The following TEK variants were observed in gnomAD, a reference collection of about 807,000 sequenced individuals.
TEK encodes TEK receptor tyrosine kinase, also known as angiopoietin-1 receptor.
TEK carries 43 observed loss-of-function variants against 131.8 expected under a neutral mutation model. The observed-to-expected ratio is 0.33, with a 90% CI of 0.26 to 0.42. The LOEUF (loss-of-function observed/expected upper bound fraction) is 0.42, where lower values mean the gene tolerates loss of function less well. Ranked by LOEUF, TEK falls within the 10% of genes least tolerant of loss-of-function variation. The probability of loss-of-function intolerance (pLI) is 1.00; values close to 1 mark genes in which losing one functional copy is unlikely to be tolerated. For missense variants in TEK, 1,162 were observed against 1,384.4 expected (o/e 0.84, Z 2.55); for synonymous variants, 580 against 491.6 (o/e 1.18, Z -2.38).
chr9:27,161,009 G>A (rs1289118177), intron 2 of TEK, among the ~76,000 whole-genome samples: 2 of 152,194 alleles, frequency 1.3e-5, no homozygotes, highest in South Asian at 2.1e-4. Context: ...CAGTCATTTC[G>A]TGGGAACAAA....
Position 27,172,616 on chromosome 9 carries a change from G to A in TEK, c.629G>A (p.Arg210Lys). The A allele has an allele frequency of 3.1e-6, 5 of 1,613,510 alleles. No individual in the cohort carries two copies. Among genetic ancestry groups the A allele is most frequent in the Non-Finnish European group, 4.2e-6 (5 of 1,179,566 alleles). The change falls in exon 5 of 23, where the codon AGA becomes AAA. Residue 210 changes from arginine to lysine, a missense_variant and splice_region_variant. Transcript: ENST00000380036. ...TSAFTRLIVR[R>K]CEAQKWGPEC... ...ACAGCCTTGTTTTCCTTAACAAAAG[G>A]ATGTGAAGCCCAGAAGTGGGGACCT... is the stretch of plus-strand genomic sequence containing the variant.
intron 21 of TEK, among the ~76,000 whole-genome samples, chr9:27,224,591 T>C (rs142364134): frequency 3.4e-4 from 52 of 152,298 alleles, no homozygotes; most frequent in African/African-American, 1.1e-3. Flanking sequence ...AAACTAGGTA[T>C]TGATGGAACG....
rs1350184867 is a variant in TEK at position 27,158,158 on chromosome 9, G to A, written c.364+16G>A. 6.2e-7 allele frequency: 1 copy of A among 1,613,930 alleles called. No individual in the cohort carries two copies. The highest frequency in any genetic ancestry group is 1.3e-5 in the African/African-American group (1 of 75,010). On this transcript the variant is annotated intron_variant, in intron 2 of 22. Coordinates refer to ENST00000380036, the MANE Select transcript of TEK (RefSeq NM_000459.5). ...CGTCAACAAGGTAACATGCCCCTAAGTTTTGGGCAGGTGAGGCCCACTGAG... is the reference window on the plus strand; with the variant it reads ...CGTCAACAAGGTAACATGCCCCTAAATTTTGGGCAGGTGAGGCCCACTGAG...
At chr9:27,138,300 G>A (rs983904788) in intron 1 of TEK, among the ~76,000 whole-genome samples, 11 of 152,176 alleles carry the variant, frequency 7.2e-5, no homozygotes, top group African/African-American at 1.2e-4. Flanking sequence ...CCCACATCCT[G>A]CTGATTGGTC....
chr9:27,124,253 A>G (rs1353737355), intron 1 of TEK, among the ~76,000 whole-genome samples: 2 of 152,164 alleles, frequency 1.3e-5, no homozygotes, highest in Non-Finnish European at 2.9e-5. Context: ...AATTACTCCC[A>G]TGTTTTTGGC....
chr9:27,150,043 C>T (rs1165397962), intron 1 of TEK, among the ~76,000 whole-genome samples: 1 of 152,138 alleles, frequency 6.6e-6, no homozygotes, highest in African/African-American at 2.4e-5. Context: ...TGTCCTGTAC[C>T]CTTTCTAGCT....
At position 27,206,740 on chromosome 9, in the gene TEK, G is replaced by T. The variant is rs149452320; in HGVS notation, c.2523G>T (p.Ala841=). 1.1e-5 allele frequency: 17 copies of T among 1,614,072 alleles called. No homozygotes were observed. The highest frequency in any genetic ancestry group is 1.4e-5 in the Non-Finnish European group (17 of 1,179,990). ...GEGNFGQVLK[A]RIKKDGLRMD... ...GCAATTTTGGCCAAGTTCTTAAGGCGCGCATCAAGAAGGATGGGTTACGGA... is the reference window on the plus strand; with the variant it reads ...GCAATTTTGGCCAAGTTCTTAAGGCTCGCATCAAGAAGGATGGGTTACGGA... The change falls in exon 15 of 23, where the codon GCG becomes GCT. Residue 841 remains alanine (A), a synonymous_variant. Transcript: ENST00000380036.
chr9:27,129,543 C>A (rs1183107804), intron 1 of TEK, among the ~76,000 whole-genome samples: 2 of 152,162 alleles, frequency 1.3e-5, no homozygotes, highest in African/African-American at 4.8e-5. Flanking sequence ...CCCATCTCCT[C>A]TGGAAATCTT....
chr9:27,217,012 CT>C (rs1434725168), intron 18 of TEK, among the ~76,000 whole-genome samples: 1 of 152,170 alleles, frequency 6.6e-6, no homozygotes, highest in Non-Finnish European at 1.5e-5. Flanking sequence ...CCAGGCACAT[CT>C]GATTTTGCCT....
chr9:27,170,602 T>TCAAAAA (rs56132806), intron 4 of TEK, among the ~76,000 whole-genome samples: 110,475 of 150,514 alleles, frequency 0.73, 40,819 homozygotes, highest in South Asian at 0.85. Flanking sequence ...AGACCTTGTC[T>TCAAAAA]CAAAAACAAA....
At chr9:27,116,850 T>C (rs1215838309) in intron 1 of TEK, among the ~76,000 whole-genome samples, 1 of 137,656 alleles carries the variant, frequency 7.3e-6, no homozygotes, top group Non-Finnish European at 1.5e-5. Context: ...GTAGCAGCCA[T>C]GGAAAGAAAT....
At chr9:27,125,238 G>A (rs757609829) in intron 1 of TEK, among the ~76,000 whole-genome samples, 4 of 152,230 alleles carry the variant, frequency 2.6e-5, no homozygotes, top group Non-Finnish European at 5.9e-5. Context: ...CGCCTAACAG[G>A]CTTGGATACA....
chr9:27,154,256 T>C (rs564275415), intron 1 of TEK, among the ~76,000 whole-genome samples: 123 of 152,290 alleles, frequency 8.1e-4, no homozygotes, highest in African/African-American at 1.5e-3. Flanking sequence ...CATGGTGGCT[T>C]GCTGCACCCA....
At chr9:27,126,709 A>G (rs1822003101) in intron 1 of TEK, among the ~76,000 whole-genome samples, 1 of 152,234 alleles carries the variant, frequency 6.6e-6, no homozygotes, top group Admixed American at 6.5e-5. Context: ...TGAGACTTTT[A>G]AGGACATTTC....
chr9:27,158,288 C>T (rs552365476), intron 2 of TEK, 146 bp downstream of exon 2: 6 of 932,778 alleles, frequency 6.4e-6, no homozygotes, highest in South Asian at 2.8e-5. Context: ...CATGCATCAC[C>T]GTGTCTGGTA....
intron 2 of TEK, among the ~76,000 whole-genome samples, chr9:27,158,894 C>T (rs566806165): frequency 6.6e-6 from 1 of 152,284 alleles, no homozygotes; most frequent in African/African-American, 2.4e-5. Flanking sequence ...CTGTAGACCT[C>T]GTGATCTGCC....
chr9:27,194,909 A>G (rs1388971365), intron 11 of TEK, among the ~76,000 whole-genome samples: 1 of 152,120 alleles, frequency 6.6e-6, no homozygotes, highest in Non-Finnish European at 1.5e-5. Flanking sequence ...TTCTGAACAT[A>G]GTGCAGAAAG....
intron 4 of TEK, among the ~76,000 whole-genome samples, chr9:27,170,949 C>G (rs545918106): frequency 1.3e-5 from 2 of 152,284 alleles, no homozygotes; most frequent in African/African-American, 4.8e-5. Flanking sequence ...GTAAAGCAGT[C>G]TCACTGAAAC....
In TEK at chr9:27,213,582, T is replaced by C. The variant is rs3737188; in HGVS notation, c.2976T>C (p.Tyr992=). 0.21 allele frequency: 334,646 copies of C among 1,611,766 alleles called. 36,102 individuals are homozygous for C. The highest frequency in any genetic ancestry group is 0.22 in the East Asian group (9,915 of 44,820). The change falls in exon 18 of 23, where the codon TAT becomes TAC. Residue 992 remains tyrosine (Y), a synonymous_variant. Coordinates refer to ENST00000380036, the MANE Select transcript of TEK (RefSeq NM_000459.5). ...DFGLSRGQEV[Y]VKKTMGRLPV... ...GATTGTCCCGAGGTCAAGAGGTGTA[T>C]GTGAAAAAGACAATGGTAAGTGCCA... is the stretch of plus-strand genomic sequence containing the variant.
Sources: allele counts gnomAD v4.1 joint callset (sites outside exome capture counted in the v4.1 genomes callset), GRCh38; gene constraint gnomAD v4.1.1; transcripts MANE v1.5; gene names NCBI Gene and HGNC (gene_info 2026-07-23, HGNC 2026-07-21).